TRAPPC10: variants seen among roughly 807,000 people sequenced by gnomAD.
The protein encoded by TRAPPC10 is trafficking protein particle complex subunit 10, also known as TRAPP 130 kDa subunit.
In TRAPPC10, 23 loss-of-function variants were observed where a neutral mutation model predicts 125.5. The observed-to-expected ratio is 0.18, with a 90% CI of 0.13 to 0.26. TRAPPC10 has a LOEUF of 0.26. Ranked by LOEUF, TRAPPC10 falls within the 10% of genes least tolerant of loss-of-function variation. The pLI is 1.00. For missense variants in TRAPPC10, 1,123 were observed against 1,308.4 expected, an observed-to-expected ratio of 0.86 and a Z score of 2.19; for synonymous variants, 509 against 518.0, an observed-to-expected ratio of 0.98 and a Z score of 0.24.
At chr21:44,085,827 A>G (rs1173550560) in intron 15 of TRAPPC10, among the ~76,000 whole-genome samples, 4 of 152,246 alleles carry the variant, frequency 2.6e-5, no homozygotes, top group Non-Finnish European at 5.9e-5. Context: ...AGGAGTTGCT[A>G]TAAACAAATG....
chr21:44,073,297 G>C (rs2037017489), intron 7 of TRAPPC10, among the ~76,000 whole-genome samples: 1 of 152,100 alleles, frequency 6.6e-6, no homozygotes, highest in Admixed American at 6.5e-5. Flanking sequence ...CCCCGGCATT[G>C]GCAGCTCATC....
At chr21:44,061,525 C>T (rs1481073500) in intron 6 of TRAPPC10, among the ~76,000 whole-genome samples, 4 of 152,190 alleles carry the variant, frequency 2.6e-5, no homozygotes, top group Non-Finnish European at 5.9e-5. Context: ...CCTCAGCCTC[C>T]CAAAGTGCTG....
chr21:44,080,265 C>A (rs1010086306), intron 13 of TRAPPC10, 138 bp downstream of exon 13: 4 of 716,026 alleles, frequency 5.6e-6, no homozygotes, highest in Non-Finnish European at 6.8e-6. Context: ...CTATGTCTTT[C>A]ACCTGACTTT....
chr21:44,082,697 T>C lies in TRAPPC10; in HGVS notation c.1724-91T>C. ...ATCACTGCTGCTTGCTTCAGTCTGC[T>C]CTCGGTGATCTTACTGTGTCCGCGG... On this transcript the variant is annotated intron_variant, in intron 13 of 22. Transcript: ENST00000291574. This position sits in a 1 kb window ranked among gnomAD's most constrained non-coding sequence, Gnocchi z 4.4. 1 of 1,446,872 alleles carries C rather than the reference T, an allele frequency of 6.9e-7. No individual in the cohort carries two copies. Among genetic ancestry groups the C allele is most frequent in the Non-Finnish European group, 9.5e-7 (1 of 1,053,778 alleles). 89.6% of individuals were successfully genotyped at this position (1,446,872 alleles called of 1,614,324 possible). A position where few individuals can be genotyped will look rare whatever the true frequency, so the allele number is the denominator to read the frequency against.
chr21:44,048,539 G>C (rs999682646), intron 3 of TRAPPC10, among the ~76,000 whole-genome samples: 1 of 152,102 alleles, frequency 6.6e-6, no homozygotes, highest in Admixed American at 6.5e-5. Flanking sequence ...TATCACCCAG[G>C]CTGGAGTGTA....
At chr21:44,043,046 GC>G (rs1413696667) in intron 3 of TRAPPC10, among the ~76,000 whole-genome samples, 1 of 151,924 alleles carries the variant, frequency 6.6e-6, no homozygotes, top group East Asian at 1.9e-4. Flanking sequence ...TGAATGCATA[GC>G]AAATTGGCCT....
At chr21:44,014,522 C>T (rs1233868739) in intron 1 of TRAPPC10, among the ~76,000 whole-genome samples, 3 of 151,922 alleles carry the variant, frequency 2.0e-5, no homozygotes, top group East Asian at 1.9e-4. Flanking sequence ...TCTCCTTCCT[C>T]GGCCTCCCGA....
At chr21:44,089,487 A>G (rs940557377) in intron 17 of TRAPPC10, 6 of 466,830 alleles carry the variant, frequency 1.3e-5, no homozygotes, top group Middle Eastern at 3.2e-4. Flanking sequence ...AACCCTGTGC[A>G]CATTGCAACA....
intron 20 of TRAPPC10, among the ~76,000 whole-genome samples, chr21:44,095,229 T>TTTATTTA (rs556865347): frequency 3.3e-5 from 5 of 150,002 alleles, no homozygotes; most frequent in African/African-American, 1.2e-4. Flanking sequence ...TTTTATTTTA[T>TTTATTTA]TTTATTTATT....
rs2038236523 is a variant in TRAPPC10, at chr21:44,087,670, T to C, written c.2540-29T>C. On this transcript the variant is annotated intron_variant, in intron 16 of 22. Transcript: ENST00000291574. This position sits in a 1 kb window ranked among gnomAD's most constrained non-coding sequence, Gnocchi z 4.6. ...GGACAAGTGAAACCGAGGGAACAGC[T>C]TTGAAGTGACTTTTTCTGTCCTTCG... 23 of 1,600,642 alleles carry C rather than the reference T, an allele frequency of 1.4e-5. No homozygotes were observed. The highest frequency in any genetic ancestry group is 2.7e-5 in the African/African-American group (2 of 74,802).
intron 2 of TRAPPC10, among the ~76,000 whole-genome samples, chr21:44,032,501 G>GCCT (rs1262523801): frequency 2.0e-5 from 3 of 149,994 alleles, no homozygotes. Context: ...TCCTGCCTCA[G>GCCT]CCTCCTGAGT....
chr21:44,101,125 C>A (rs1297528841), intron 21 of TRAPPC10, among the ~76,000 whole-genome samples: 1 of 72,474 alleles, frequency 1.4e-5, no homozygotes, highest in African/African-American at 3.0e-5. Context: ...CACTGCACTC[C>A]AGCCTGGGCA....
chr21:44,029,708 C>G (rs1395881233), intron 1 of TRAPPC10, among the ~76,000 whole-genome samples: 1 of 152,154 alleles, frequency 6.6e-6, no homozygotes, highest in African/African-American at 2.4e-5. Flanking sequence ...CAGCATGGGC[C>G]TTTGTGTCCT....
chr21:44,035,926 G>T (rs988266495), intron 2 of TRAPPC10, among the ~76,000 whole-genome samples: 4 of 152,188 alleles, frequency 2.6e-5, no homozygotes, highest in African/African-American at 9.7e-5. Flanking sequence ...GCAAATTAGT[G>T]AGCTGGAAGA....
Position 44,059,405 on chromosome 21 carries a change from C to A in TRAPPC10, c.790+191C>A. The stretch of plus-strand genomic sequence containing the variant: ...ATGAGAATTAAGAATTAGTCATTTT[C>A]ACTTTTAGAAGAATCTTAAGTAACA... On this transcript the variant is annotated intron_variant, in intron 6 of 22. Coordinates refer to ENST00000291574, the MANE Select transcript of TRAPPC10 (RefSeq NM_003274.5). The surrounding 1 kb of genome is among the most constrained non-coding windows in gnomAD (Gnocchi z 4.4). The A allele has an allele frequency of 1.4e-6, 1 of 699,642 alleles. No individual in the cohort carries two copies. Among genetic ancestry groups the A allele is most frequent in the Non-Finnish European group, 2.6e-6 (1 of 381,258 alleles). The allele number at this position is 699,642 out of a possible 1,614,324, so 43.3% of individuals were successfully genotyped here.
chr21:44,063,757 A>G lies in TRAPPC10; in HGVS notation c.1010A>G (p.Asn337Ser). 1.9e-6 allele frequency: 3 copies of G among 1,614,056 alleles called. No homozygotes were observed. The highest frequency in any genetic ancestry group is 2.5e-6 in the Non-Finnish European group (3 of 1,179,984). ...CAGCGCGCCCTAGAGCTGCTGCACA[A>G]CTGCGTGCAGGAACTGAAGCTCTTA... Reference protein sequence around the residue: ...VAQRALELLHNCVQELKLLEV... With the variant: ...VAQRALELLHSCVQELKLLEV... Residue 337 changes from asparagine to serine, a missense_variant, in exon 7 of 23, where the codon AAC becomes AGC. By Grantham distance (46) the Asn-to-Ser change is conservative (BLOSUM62 1). Transcript: ENST00000291574. The surrounding 1 kb of genome is among the most constrained non-coding windows in gnomAD (Gnocchi z 4.4).
intron 1 of TRAPPC10, among the ~76,000 whole-genome samples, chr21:44,021,491 A>G (rs1017815392): frequency 6.6e-6 from 1 of 152,256 alleles, no homozygotes; most frequent in Non-Finnish European, 1.5e-5. Flanking sequence ...TAGACAGAAT[A>G]TTATAAAGAG....
chr21:44,026,434 C>T (rs533966662), intron 1 of TRAPPC10, among the ~76,000 whole-genome samples: 13 of 152,250 alleles, frequency 8.5e-5, no homozygotes, highest in Admixed American at 6.5e-4. Context: ...TTTGTAATCT[C>T]GGATGTTTTT....
At chr21:44,028,876 C>T (rs765467231) in intron 1 of TRAPPC10, among the ~76,000 whole-genome samples, 4 of 152,172 alleles carry the variant, frequency 2.6e-5, no homozygotes, top group African/African-American at 9.7e-5. Flanking sequence ...GGGTTTCGCT[C>T]ATGCCTCTGT....
Sources: allele counts gnomAD v4.1 joint callset (sites outside exome capture counted in the v4.1 genomes callset), GRCh38; gene constraint gnomAD v4.1.1; non-coding constraint Gnocchi (gnomAD v3.1); transcripts MANE v1.5; gene names NCBI Gene and HGNC (gene_info 2026-07-23, HGNC 2026-07-21).